The following TENM4 variants were observed in gnomAD, a reference collection of about 807,000 sequenced individuals.
The protein encoded by TENM4 is teneurin-4.
In TENM4, 82 loss-of-function variants were observed where a neutral mutation model predicts 243.3. The observed-to-expected ratio is 0.34, with a 90% CI of 0.28 to 0.40. The LOEUF is 0.40. Ranked by LOEUF, TENM4 falls within the 10% of genes least tolerant of loss-of-function variation. The pLI, the probability that TENM4 is intolerant of heterozygous loss-of-function variation, is 1.00. For synonymous variants in TENM4, 1,412 were observed against 1,456.3 expected (o/e 0.97, Z 0.69); for missense variants, 3,138 against 3,673.3 (o/e 0.85, Z 3.77).
At chr11:79,187,246 C>G (rs1337653852) in intron 3 of TENM4, among the ~76,000 whole-genome samples, 1 of 152,170 alleles carries the variant, frequency 6.6e-6, no homozygotes, top group Non-Finnish European at 1.5e-5. Context: ...ATCCTTTCCA[C>G]TGGGGATAAA....
At chr11:79,154,722 C>G (rs1862569876) in intron 3 of TENM4, among the ~76,000 whole-genome samples, 1 of 152,122 alleles carries the variant, frequency 6.6e-6, no homozygotes, top group Non-Finnish European at 1.5e-5. Flanking sequence ...CTTGGCCCCT[C>G]AGAGGAAGGA....
intron 1 of TENM4, among the ~76,000 whole-genome samples, chr11:79,308,485 G>A (rs1012878646): frequency 7.2e-5 from 11 of 152,138 alleles, no homozygotes; most frequent in African/African-American, 2.7e-4. Context: ...AAAAATATCT[G>A]ATTCCTCCTG....
intron 6 of TENM4, among the ~76,000 whole-genome samples, chr11:78,937,412 C>T (rs369247641): frequency 7.9e-5 from 12 of 152,300 alleles, no homozygotes; most frequent in South Asian, 2.1e-4. Flanking sequence ...CCCTGCATAT[C>T]GTCTCTTCTG....
chr11:79,381,692 G>A (rs12276041), intron 1 of TENM4, among the ~76,000 whole-genome samples: 13,284 of 151,450 alleles, frequency 0.088, 614 homozygotes, highest in East Asian at 0.13. Context: ...CTTGAGCGCT[G>A]TTTGGCACGG....
At chr11:78,660,639 A>G (rs566416315) in intron 33 of TENM4, among the ~76,000 whole-genome samples, 1 of 152,184 alleles carries the variant, frequency 6.6e-6, no homozygotes, top group African/African-American at 2.4e-5. Context: ...TTAGTCTGTC[A>G]TCCCCTGGGC....
intron 6 of TENM4, among the ~76,000 whole-genome samples, chr11:79,055,574 C>T (rs1215358856): frequency 6.6e-6 from 1 of 152,130 alleles, no homozygotes. Flanking sequence ...TGTTGCTGAG[C>T]TATAAAATTT....
At chr11:78,696,183 G>T (rs1427942714) in intron 28 of TENM4, among the ~76,000 whole-genome samples, 1 of 151,836 alleles carries the variant, frequency 6.6e-6, no homozygotes, top group African/African-American at 2.4e-5. Context: ...CCCATCAAAG[G>T]CATTTCTCAT....
At chr11:79,308,752 C>T (rs1353231632) in intron 1 of TENM4, among the ~76,000 whole-genome samples, 1 of 152,168 alleles carries the variant, frequency 6.6e-6, no homozygotes, top group Non-Finnish European at 1.5e-5. Context: ...GCCATGCCAC[C>T]CACTCTGCAG....
chr11:79,316,694 C>T (rs1856808495), intron 1 of TENM4, among the ~76,000 whole-genome samples: 1 of 152,166 alleles, frequency 6.6e-6, no homozygotes, highest in Admixed American at 6.5e-5. Context: ...CCCCCAGCCC[C>T]AGGAGCAGTG....
chr11:78,832,382 G>A (rs1474495231), intron 12 of TENM4, among the ~76,000 whole-genome samples: 1 of 152,236 alleles, frequency 6.6e-6, no homozygotes, highest in Non-Finnish European at 1.5e-5. Context: ...AGAGGACAGG[G>A]ACCTCAGACT....
At position 78,778,633 on chromosome 11, in the gene TENM4, G is replaced by A. The variant is rs1231028569; in HGVS notation, c.2366-5C>T. The A allele has an allele frequency of 6.2e-7, 1 of 1,611,770 alleles. No individual in the cohort carries two copies. Among genetic ancestry groups the A allele is most frequent in the South Asian group, 1.1e-5 (1 of 90,132 alleles). ...CTACCCTATCCAGATAGTGAGCTAG[G>A]GAGATAAAAGACAGGACATTTAAGG... is the stretch of plus-strand genomic sequence containing the variant. On this transcript the variant is annotated splice_region_variant and splice_polypyrimidine_tract_variant and intron_variant, in intron 16 of 33. Transcript: ENST00000278550.
chr11:78,775,344 G>C (rs572270543), intron 17 of TENM4, among the ~76,000 whole-genome samples: 6 of 152,312 alleles, frequency 3.9e-5, no homozygotes, highest in African/African-American at 1.4e-4. Flanking sequence ...CAGACCTTTA[G>C]TGGGATTGGG....
At chr11:79,095,186 C>A (rs531256907) in intron 4 of TENM4, among the ~76,000 whole-genome samples, 1 of 152,282 alleles carries the variant, frequency 6.6e-6, no homozygotes, top group African/African-American at 2.4e-5. Context: ...AGCCCTAGAG[C>A]CAGCCTTCAC....
At chr11:79,230,049 T>A (rs924558199) in intron 2 of TENM4, among the ~76,000 whole-genome samples, 1 of 151,306 alleles carries the variant, frequency 6.6e-6, no homozygotes, top group Non-Finnish European at 1.5e-5. Flanking sequence ...TTTCCCAGGC[T>A]GGTTCTACAT....
rs187378975 is a variant in TENM4, at chr11:78,707,065, G to A, written c.4209+1296C>T. 4.6e-5 allele frequency among the ~76,000 whole-genome samples: 7 copies of A among 152,276 alleles called. No homozygotes were observed. The East Asian group carries it at 5.8e-4, about 13-fold the overall frequency. On this transcript the variant is annotated intron_variant, in intron 27 of 33. Coordinates refer to ENST00000278550, the MANE Select transcript of TENM4 (RefSeq NM_001098816.3). ...ACAAGGCTCTGTGGAAGGACTTAGC[G>A]ATACATGTCAGTAACAGAGGTAGGC...
At chr11:79,102,333 A>G (rs74952347) in intron 4 of TENM4, among the ~76,000 whole-genome samples, 1,728 of 152,328 alleles carry the variant, frequency 0.011, 30 homozygotes, top group African/African-American at 0.039. Context: ...AGTGCTCATC[A>G]TGAAATTTGG....
chr11:78,692,906 C>T (rs995293370), intron 28 of TENM4, among the ~76,000 whole-genome samples: 1 of 152,126 alleles, frequency 6.6e-6, no homozygotes, highest in Non-Finnish European at 1.5e-5. Flanking sequence ...CCCTGACCAC[C>T]GCTTCTAAGA....
chr11:78,864,479 G>GTAGCAAC (rs2136227223), intron 9 of TENM4, among the ~76,000 whole-genome samples: 1 of 146,304 alleles, frequency 6.8e-6, no homozygotes, highest in Non-Finnish European at 1.5e-5. Flanking sequence ...TTTTTCCAAG[G>GTAGCAAC]TAGCAACTGC....
intron 3 of TENM4, among the ~76,000 whole-genome samples, chr11:79,171,769 GC>G (rs1489030683): frequency 6.6e-6 from 1 of 152,188 alleles, no homozygotes; most frequent in Non-Finnish European, 1.5e-5. Context: ...AGAAGAGTCA[GC>G]TTTTGGACAA....
Sources: gnomAD v4.1 joint callset for allele counts (sites outside exome capture counted in the v4.1 genomes callset) on GRCh38, gnomAD v4.1.1 for gene constraint, MANE v1.5 for transcripts, NCBI Gene and HGNC (gene_info 2026-07-23, HGNC 2026-07-21) for gene names.